Variants in SGSM1 observed in about 807,000 individuals in gnomAD.
SGSM1 encodes small G protein signaling modulator 1.
Under a neutral mutation model 133.8 loss-of-function variants are expected in SGSM1, and 73 were observed. The observed-to-expected ratio is 0.55, with a 90% CI of 0.45 to 0.66. The LOEUF is 0.66. SGSM1 is among the 30% of genes least tolerant of loss of function. SGSM1 has a pLI of 0.00. For synonymous variants in SGSM1, 563 were observed against 573.0 expected (o/e 0.98, Z 0.25); for missense variants, 1,213 against 1,448.1 (o/e 0.84, Z 2.64).
chr22:24,890,101 C>T (rs562859707), intron 16 of SGSM1, among the ~76,000 whole-genome samples: 157 of 151,830 alleles, frequency 1.0e-3, no homozygotes, highest in African/African-American at 3.3e-3. Context: ...GGACTGCAGG[C>T]GCCTGCCACC....
At chr22:24,893,126 G>A (rs1293531094) in intron 16 of SGSM1, among the ~76,000 whole-genome samples, 1 of 152,062 alleles carries the variant, frequency 6.6e-6, no homozygotes, top group Non-Finnish European at 1.5e-5. Context: ...TCTCACTTTT[G>A]TATCCCCAGG....
At chr22:24,834,877 T>G (rs984383186) in intron 2 of SGSM1, among the ~76,000 whole-genome samples, 1 of 152,014 alleles carries the variant, frequency 6.6e-6, no homozygotes, top group African/African-American at 2.4e-5. Context: ...TTATGCTGAT[T>G]TAGAGGAATG....
intron 2 of SGSM1, among the ~76,000 whole-genome samples, chr22:24,828,702 G>A (rs1439555720): frequency 2.0e-5 from 3 of 152,188 alleles, no homozygotes; most frequent in Admixed American, 6.5e-5. Flanking sequence ...AATACCATTC[G>A]ATCCAGCAAT....
intron 2 of SGSM1, among the ~76,000 whole-genome samples, chr22:24,811,741 T>A (rs2147778949): frequency 6.6e-6 from 1 of 151,920 alleles, no homozygotes; most frequent in South Asian, 2.1e-4. Flanking sequence ...TTGTGGTGCA[T>A]GCCTGTAGTC....
At chr22:24,874,285 A>T in intron 12 of SGSM1, 1 of 884,312 alleles carries the variant, frequency 1.1e-6, no homozygotes, top group South Asian at 1.8e-5. Flanking sequence ...AACACAGTGA[A>T]TGTGGGAGCT....
intron 2 of SGSM1, among the ~76,000 whole-genome samples, chr22:24,832,636 A>G (rs1262893751): frequency 2.6e-5 from 4 of 152,194 alleles, no homozygotes; most frequent in African/African-American, 9.7e-5. Context: ...GGGCTTGGTC[A>G]GAGGGAGAGA....
At chr22:24,823,523 C>T (rs528040232) in intron 2 of SGSM1, among the ~76,000 whole-genome samples, 115 of 152,224 alleles carry the variant, frequency 7.6e-4, no homozygotes, top group Non-Finnish European at 1.4e-3. Context: ...ATGACGGGAA[C>T]CTGGGAGGCG....
intron 2 of SGSM1, among the ~76,000 whole-genome samples, chr22:24,836,152 C>G (rs539842839): frequency 1.5e-4 from 23 of 152,282 alleles, no homozygotes; most frequent in Admixed American, 5.9e-4. Flanking sequence ...TCCTTTCTTT[C>G]TCTTTAAATT....
chr22:24,890,186 G>A (rs1253244032), intron 16 of SGSM1, among the ~76,000 whole-genome samples: 1 of 151,670 alleles, frequency 6.6e-6, no homozygotes, highest in Admixed American at 6.6e-5. Context: ...TCGATCTCCT[G>A]ACCTTGTGAT....
intron 12 of SGSM1, among the ~76,000 whole-genome samples, chr22:24,870,473 G>A (rs193136402): frequency 1.3e-5 from 2 of 152,342 alleles, no homozygotes; most frequent in Admixed American, 6.5e-5. Flanking sequence ...GTACACTCCC[G>A]CTGGGAGCTA....
At chr22:24,888,168 T>G (rs139722) in intron 16 of SGSM1, among the ~76,000 whole-genome samples, 24,568 of 152,170 alleles carry the variant, frequency 0.16, 2,065 homozygotes, top group Middle Eastern at 0.21. Flanking sequence ...AAGCAGGGTT[T>G]TCTGCAAAAC....
intron 19 of SGSM1, among the ~76,000 whole-genome samples, chr22:24,899,685 C>T (rs1933058166): frequency 6.6e-6 from 1 of 151,928 alleles, no homozygotes; most frequent in African/African-American, 2.4e-5. Context: ...CCACGCCCGG[C>T]TAATTTTTTG....
intron 13 of SGSM1, among the ~76,000 whole-genome samples, chr22:24,878,924 G>C (rs1932170503): frequency 1.3e-5 from 2 of 152,182 alleles, no homozygotes. Flanking sequence ...GTGGCTTCAG[G>C]CATGGCTGGA....
chr22:24,843,693 T>C (rs1316433946), intron 2 of SGSM1: 1 of 152,198 alleles, frequency 6.6e-6, no homozygotes, highest in Admixed American at 6.5e-5. Flanking sequence ...CAGAATCTAG[T>C]GGAGCAGAAG....
At chr22:24,868,590 G>A in intron 11 of SGSM1, 51 bp downstream of exon 11, 1 of 1,612,588 alleles carries the variant, frequency 6.2e-7, no homozygotes, top group South Asian at 1.1e-5. Flanking sequence ...TGGTCACAGA[G>A]GGTGGTTGTT....
rs140202101 is a variant in SGSM1 at position 24,874,312 on chromosome 22, G to A, written c.1292-2265G>A. On this transcript the variant is annotated intron_variant, in intron 12 of 24. Coordinates refer to ENST00000400358, the MANE Select transcript of SGSM1 (RefSeq NM_001098497.3). ...GTGGGAGCTGTGTGGAGCCGGGAAG[G>A]GGGAGGGTTGGAGCCCCCAGAAACT... The A allele has an allele frequency of 3.0e-3, 3,602 of 1,213,438 alleles. 44 individuals carry two copies. Among genetic ancestry groups the A allele is most frequent in the African/African-American group, 0.028 (1,789 of 65,022 alleles). The allele number at this position is 1,213,438 out of a possible 1,614,324, so 75.2% of individuals were successfully genotyped here.
Position 24,884,127 on chromosome 22 carries a change from C to T in SGSM1, c.1570C>T (p.Pro524Ser). The T allele has an allele frequency of 6.2e-7, 1 of 1,613,920 alleles. No homozygotes were observed. Among genetic ancestry groups the T allele is most frequent in the Non-Finnish European group, 8.5e-7 (1 of 1,179,864 alleles). ...SALVNHMIVS[P>S]DLPCDAGQGL... ...CCTGGTCAATCACATGATCGTGTCT[C>T]CAGACTTGCCCTGCGATGCTGGACA... The change falls in exon 15 of 25, where the codon CCA becomes TCA. Residue 524 changes from proline (P) to serine (S), a missense_variant. Coordinates refer to ENST00000400358, the MANE Select transcript of SGSM1 (RefSeq NM_001098497.3).
At chr22:24,876,112 C>T (rs1450327422) in intron 12 of SGSM1, among the ~76,000 whole-genome samples, 1 of 152,190 alleles carries the variant, frequency 6.6e-6, no homozygotes, top group Non-Finnish European at 1.5e-5. Context: ...GTGCCCTCTT[C>T]CTCAGCAGGG....
In SGSM1 at chr22:24,855,080, G is replaced by C. The variant is rs1930688578; in HGVS notation, c.523+17G>C. On this transcript the variant is annotated intron_variant, in intron 6 of 24. Transcript: ENST00000400358. ...CTTTGTTGGGTAAGTTGTCCTGTGTGCTGAGCTTCATCTAGACCCGTGGTC... is the reference window on the plus strand; with the variant it reads ...CTTTGTTGGGTAAGTTGTCCTGTGTCCTGAGCTTCATCTAGACCCGTGGTC... The C allele has an allele frequency of 1.2e-6, 2 of 1,611,036 alleles. No individual in the cohort carries two copies. The highest frequency in any genetic ancestry group is 8.5e-7 in the Non-Finnish European group (1 of 1,178,618).
Sources: gnomAD v4.1 joint callset for allele counts (sites outside exome capture counted in the v4.1 genomes callset) on GRCh38, gnomAD v4.1.1 for gene constraint, MANE v1.5 for transcripts, NCBI Gene and HGNC (gene_info 2026-07-23, HGNC 2026-07-21) for gene names.